NALF1: variants seen among roughly 807,000 people sequenced by gnomAD.
The protein encoded by NALF1 is NALCN channel auxiliary factor 1.
A neutral mutation model predicts 48.4 loss-of-function variants in NALF1; 3 were observed. The ratio of observed to expected loss-of-function variants is 0.06; its 90% CI spans 0.03 to 0.16. The LOEUF (loss-of-function observed/expected upper bound fraction) is 0.16, where lower values mean the gene tolerates loss of function less well. NALF1 is among the 10% of genes least tolerant of loss of function. The pLI, the probability that NALF1 is intolerant of heterozygous loss-of-function variation, is 1.00. For synonymous variants in NALF1, 262 were observed against 245.7 expected (o/e 1.07, Z -0.62); for missense variants, 526 against 571.5 (o/e 0.92, Z 0.81).
chr13:107,689,441 C>T (rs1236474617), intron 1 of NALF1, among the ~76,000 whole-genome samples: 1 of 152,064 alleles, frequency 6.6e-6, no homozygotes, highest in Admixed American at 6.6e-5. Context: ...TTTGTAGTTG[C>T]TTTCTCAGAA....
At chr13:107,183,556 C>A (rs182431181) in intron 2 of NALF1, among the ~76,000 whole-genome samples, 24 of 152,108 alleles carry the variant, frequency 1.6e-4, no homozygotes, top group African/African-American at 5.6e-4. Context: ...ATGTTTATTG[C>A]GGCACTGTTC....
chr13:107,843,720 C>T (rs1381472428), intron 1 of NALF1, among the ~76,000 whole-genome samples: 1 of 152,094 alleles, frequency 6.6e-6, no homozygotes, highest in Non-Finnish European at 1.5e-5. Context: ...TTACTGCCTT[C>T]CCTGGTATGG....
At chr13:107,678,179 A>C (rs145026207) in intron 1 of NALF1, among the ~76,000 whole-genome samples, 1 of 152,286 alleles carries the variant, frequency 6.6e-6, no homozygotes, top group Non-Finnish European at 1.5e-5. Context: ...ATTTACTTTT[A>C]GCTTGCACTT....
At chr13:107,544,626 T>C (rs964620844) in intron 1 of NALF1, among the ~76,000 whole-genome samples, 2 of 152,132 alleles carry the variant, frequency 1.3e-5, no homozygotes, top group Non-Finnish European at 2.9e-5. Flanking sequence ...GGGCACTCGA[T>C]AGCCATGACC....
At chr13:107,737,920 T>G (rs1338969281) in intron 1 of NALF1, among the ~76,000 whole-genome samples, 1 of 152,186 alleles carries the variant, frequency 6.6e-6, no homozygotes, top group Non-Finnish European at 1.5e-5. Flanking sequence ...AGAAGGGTAT[T>G]AAAACATGTG....
chr13:107,222,104 T>C (rs899580192), intron 1 of NALF1, among the ~76,000 whole-genome samples: 15 of 152,124 alleles, frequency 9.9e-5, no homozygotes, highest in African/African-American at 3.6e-4. Flanking sequence ...ACCCTGCAAA[T>C]TGGTGACATG....
intron 1 of NALF1, among the ~76,000 whole-genome samples, chr13:107,852,920 T>A (rs1880353873): frequency 6.6e-6 from 1 of 152,160 alleles, no homozygotes; most frequent in Admixed American, 6.5e-5. Context: ...AAACATCATT[T>A]TGCGGTTTTC....
chr13:107,232,967 G>T (rs1488910849), intron 1 of NALF1, among the ~76,000 whole-genome samples: 2 of 152,120 alleles, frequency 1.3e-5, no homozygotes, highest in Admixed American at 6.6e-5. Flanking sequence ...GGTTACACAG[G>T]TAGTTAGTGT....
chr13:107,692,737 ATCT>A (rs1373930815), intron 1 of NALF1, among the ~76,000 whole-genome samples: 4 of 152,198 alleles, frequency 2.6e-5, no homozygotes, highest in Non-Finnish European at 5.9e-5. Context: ...TTTAAAAATA[ATCT>A]TCTTAATTTG....
chr13:107,202,235 G>T, intron 2 of NALF1, among the ~76,000 whole-genome samples: 1 of 151,166 alleles, frequency 6.6e-6, no homozygotes. Context: ...CTTACAAATT[G>T]GTCTTCAGTT....
At chr13:107,802,073 A>G (rs1024769630) in intron 1 of NALF1, among the ~76,000 whole-genome samples, 1 of 152,358 alleles carries the variant, frequency 6.6e-6, no homozygotes, top group Middle Eastern at 3.4e-3. Flanking sequence ...TCTCTTTGCT[A>G]TAAAAATCCT....
chr13:107,279,535 C>T (rs1186959457), intron 1 of NALF1, among the ~76,000 whole-genome samples: 2 of 151,708 alleles, frequency 1.3e-5, no homozygotes, highest in Non-Finnish European at 2.9e-5. Context: ...GGATTACAGG[C>T]CTGAGCCACC....
chr13:107,510,601 T>A (rs1400130524), intron 1 of NALF1, among the ~76,000 whole-genome samples: 1 of 152,194 alleles, frequency 6.6e-6, no homozygotes, highest in Non-Finnish European at 1.5e-5. Flanking sequence ...TTATATTTTA[T>A]GCCCAGTGTA....
intron 1 of NALF1, among the ~76,000 whole-genome samples, chr13:107,630,749 T>C (rs961890685): frequency 4.6e-5 from 7 of 151,670 alleles, no homozygotes; most frequent in Admixed American, 1.3e-4. Flanking sequence ...TTGTAAAATA[T>C]ATATATATAT....
At chr13:107,339,228 A>C (rs559148499) in intron 1 of NALF1, among the ~76,000 whole-genome samples, 1 of 151,908 alleles carries the variant, frequency 6.6e-6, no homozygotes, top group East Asian at 1.9e-4. Context: ...TATTTTAAAA[A>C]CCTTTATCTT....
At chr13:107,482,963 C>A (rs1490176599) in intron 1 of NALF1, among the ~76,000 whole-genome samples, 1 of 152,172 alleles carries the variant, frequency 6.6e-6, no homozygotes, top group Non-Finnish European at 1.5e-5. Context: ...CAACTCCATG[C>A]CAAACGTAAG....
intron 1 of NALF1, among the ~76,000 whole-genome samples, chr13:107,753,887 A>C (rs1263318585): frequency 6.6e-6 from 1 of 152,134 alleles, no homozygotes; most frequent in Non-Finnish European, 1.5e-5. Context: ...GGGAGTTTCC[A>C]TTTGGTTGCA....
chr13:107,210,651 C>A lies in NALF1; in HGVS notation c.1020G>T (p.Arg340Ser). ...CKQYCLEVQT[R>S]CPFILPDNDE... ...CATTGTCGGGCAATATAAATGGACA[C>A]CTCGTCTGAACCTCCAAACAGTATT... The change falls in exon 2 of 3, where the codon AGG becomes AGT. Residue 340 changes from arginine (R) to serine (S), a missense_variant. By Grantham distance (110) the Arg-to-Ser change is moderately radical (BLOSUM62 -1). Around this residue, in one of 2 missense-constraint regions of NALF1, gnomAD observed 153 missense variants for 215.9 expected, o/e 0.71. Coordinates refer to ENST00000375915, the MANE Select transcript of NALF1 (RefSeq NM_001080396.3). The A allele has an allele frequency of 6.2e-7, 1 of 1,613,146 alleles. No individual in the cohort carries two copies. The highest frequency in any genetic ancestry group is 1.1e-5 in the South Asian group (1 of 91,056).
chr13:107,326,060 T>A (rs923818059), intron 1 of NALF1, among the ~76,000 whole-genome samples: 10 of 150,636 alleles, frequency 6.6e-5, no homozygotes, highest in Non-Finnish European at 1.3e-4. Context: ...CCTCGAGTCA[T>A]CCAAAAAGGA....
Sources: gnomAD v4.1 joint callset for allele counts (sites outside exome capture counted in the v4.1 genomes callset) on GRCh38, gnomAD v4.1.1 for gene constraint, gnomAD v4.1.1 regional missense constraint, MANE v1.5 for transcripts, NCBI Gene and HGNC (gene_info 2026-07-23, HGNC 2026-07-21) for gene names.